The following WT1 variants were observed in gnomAD, a reference collection of about 807,000 sequenced individuals.
The protein encoded by WT1 is WT1 transcription factor.
Under a neutral mutation model 60.8 loss-of-function variants are expected in WT1, and 8 were observed. The ratio of observed to expected loss-of-function variants is 0.13; its 90% CI spans 0.08 to 0.24. The LOEUF is 0.24. WT1 is among the 10% of genes least tolerant of loss of function. The pLI is 1.00. For synonymous variants in WT1, 312 were observed against 297.1 expected (o/e 1.05, Z -0.52); for missense variants, 568 against 711.8 (o/e 0.80, Z 2.30).
rs5030171 is a variant in WT1, at chr11:32,427,871, C to G, written c.887+85G>C. Reference sequence around the variant, plus strand: ...CTGCATGCCCGCAGTCAGGGCTGCCCGGCTGGGGCGTTCCCAAGTCCGCCG... The same window carrying G: ...CTGCATGCCCGCAGTCAGGGCTGCCGGGCTGGGGCGTTCCCAAGTCCGCCG... On this transcript the variant is annotated intron_variant, in intron 3 of 9. Coordinates refer to ENST00000452863, the MANE Select transcript of WT1 (RefSeq NM_024426.6). 0.19 allele frequency: 253,746 copies of G among 1,360,870 alleles called. 33,118 individuals are homozygous for G. The highest frequency in any genetic ancestry group is 0.69 in the East Asian group (27,959 of 40,284). 84.3% of individuals were successfully genotyped at this position (1,360,870 alleles called of 1,614,324 possible). A position where few individuals can be genotyped will look rare whatever the true frequency, so the allele number is the denominator to read the frequency against.
intron 7 of WT1, among the ~76,000 whole-genome samples, chr11:32,395,271 C>T (rs1040171936): frequency 6.6e-6 from 1 of 152,170 alleles, no homozygotes; most frequent in Non-Finnish European, 1.5e-5. Context: ...TGTAGGAAAA[C>T]CTGGGTTTTA....
chr11:32,399,844 G>A, intron 6 of WT1, 104 bp downstream of exon 6: 1 of 1,253,974 alleles, frequency 8.0e-7, no homozygotes, highest in South Asian at 1.3e-5. Context: ...CAGTGAAGAA[G>A]AGGCTGCCAG....
chr11:32,427,045 G>T (rs1349450574), intron 3 of WT1, among the ~76,000 whole-genome samples: 2 of 152,198 alleles, frequency 1.3e-5, no homozygotes, highest in Admixed American at 6.5e-5. Context: ...GATGGGTTTG[G>T]GGGCAGCCGG....
At chr11:32,391,003 G>C (rs5030300) in intron 9 of WT1, among the ~76,000 whole-genome samples, 44 of 151,940 alleles carry the variant, frequency 2.9e-4, no homozygotes, top group African/African-American at 1.0e-3. Flanking sequence ...TTTTGAGACA[G>C]GGTCTTGCTC....
intron 5 of WT1, among the ~76,000 whole-genome samples, chr11:32,401,771 C>T (rs1238802453): frequency 6.6e-6 from 1 of 152,144 alleles, no homozygotes; most frequent in Non-Finnish European, 1.5e-5. Flanking sequence ...AACTCCTGGC[C>T]TTAAATGATC....
chr11:32,429,986 A>AGAAAAAG (rs201954281), intron 1 of WT1, among the ~76,000 whole-genome samples: 1 of 148,608 alleles, frequency 6.7e-6, no homozygotes, highest in African/African-American at 2.5e-5. Flanking sequence ...CAGAAAAAAA[A>AGAAAAAG]AAAAAGAAAA....
At chr11:32,413,530 A>C (rs139349356) in intron 5 of WT1, among the ~76,000 whole-genome samples, 1 of 152,216 alleles carries the variant, frequency 6.6e-6, no homozygotes, top group Non-Finnish European at 1.5e-5. Context: ...TGGGCTGTTC[A>C]TGAGTTTGGA....
Position 32,413,530 on chromosome 11 carries a change from A to G in WT1, c.1016+2960T>C, listed in dbSNP as rs139349356. The stretch of plus-strand genomic sequence containing the variant: ...AACTAAATCCAGTTCTGGGCTGTTC[A>G]TGAGTTTGGAGGAGACAGCCAAGGT... On this transcript the variant is annotated intron_variant, in intron 5 of 9. Coordinates refer to ENST00000452863, the MANE Select transcript of WT1 (RefSeq NM_024426.6). Among the ~76,000 whole-genome samples, 5 of 152,334 alleles carry G rather than the reference A, an allele frequency of 3.3e-5. No individual in the cohort carries two copies. The East Asian group carries it at 9.6e-4, about 29-fold the overall frequency.
intron 1 of WT1, chr11:32,428,823 C>T: frequency 1.4e-6 from 1 of 732,760 alleles, no homozygotes. Flanking sequence ...GGACAGGCTT[C>T]TCCATCCTTT....
rs143405191 is a variant in WT1, at chr11:32,424,462, C to G, written c.887+3494G>C. On this transcript the variant is annotated intron_variant, in intron 3 of 9. Coordinates refer to ENST00000452863, the MANE Select transcript of WT1 (RefSeq NM_024426.6). ...TGCACAGCAACATATAGTCAGCATG[C>G]AATAAATTCCAGTTATTACATTATA... 2.6e-3 allele frequency among the ~76,000 whole-genome samples: 397 copies of G among 152,264 alleles called. 2 individuals are homozygous for G. The highest frequency in any genetic ancestry group is 9.0e-3 in the African/African-American group (374 of 41,550).
Position 32,411,068 on chromosome 11 carries a change from T to TACACACACACACACACACACACACACAC in WT1, c.1016+5421_1016+5422insGTGTGTGTGTGTGTGTGTGTGTGTGTGT, listed in dbSNP as rs10525221. Among the ~76,000 whole-genome samples the TACACACACACACACACACACACACACAC allele has an allele frequency of 1.8e-3, 267 of 145,784 alleles. 2 individuals carry two copies. Among genetic ancestry groups the TACACACACACACACACACACACACACAC allele is most frequent in the Middle Eastern group, 0.011 (3 of 280 alleles). ...TCTGATGTAACCTCTCCCTCTCCAA[T>TACACACACACACACACACACACACACAC]ACACACACACACACACACACACACA... On this transcript the variant is annotated intron_variant, in intron 5 of 9. Transcript: ENST00000452863.
rs1851963282 is a variant in WT1, at chr11:32,396,183, C to T, written c.1264+74G>A. 3 of 1,602,654 alleles carry T rather than the reference C, an allele frequency of 1.9e-6. No individual in the cohort carries two copies. In the Admixed American group the frequency reaches 5.0e-5, roughly 27 times the overall value. On this transcript the variant is annotated intron_variant, in intron 7 of 9. Transcript: ENST00000452863. ...TTCCATCCTGGAAATAACCTGGGTC[C>T]TTAGCAGTGTGAGAGCCTGGAAAAG...
rs5030186 is a variant in WT1, at chr11:32,426,296, G to C, written c.887+1660C>G. 5.7e-3 allele frequency among the ~76,000 whole-genome samples: 874 copies of C among 152,308 alleles called. 12 individuals carry two copies. Among genetic ancestry groups the C allele is most frequent in the African/African-American group, 0.02 (823 of 41,550 alleles). On this transcript the variant is annotated intron_variant, in intron 3 of 9. Transcript: ENST00000452863. The stretch of plus-strand genomic sequence containing the variant: ...GGAAGGGGTGGACCAAGGTCATTAC[G>C]TGGGAACCATTCCAACAGCCCGCCT...
At chr11:32,389,221 G>T (rs752801406) in intron 9 of WT1, 42 bp from the exon 10 acceptor site, 12 of 1,613,676 alleles carry the variant, frequency 7.4e-6, no homozygotes, top group Non-Finnish European at 1.0e-5. Flanking sequence ...GCAACAAAGA[G>T]ACAGGCACAA....
chr11:32,430,763 G>A (rs1853277360), intron 1 of WT1: 1 of 1,335,796 alleles, frequency 7.5e-7, no homozygotes, highest in Non-Finnish European at 9.6e-7. Flanking sequence ...GGCAAAGACC[G>A]GCCTCAAACC....
At chr11:32,433,776 C>G (rs1010936781) in intron 1 of WT1, among the ~76,000 whole-genome samples, 1 of 152,228 alleles carries the variant, frequency 6.6e-6, no homozygotes, top group African/African-American at 2.4e-5. Flanking sequence ...TGATACTTAT[C>G]GTGTGCCGAG....
At chr11:32,417,055 A>G (rs571948747) in intron 4 of WT1, among the ~76,000 whole-genome samples, 1 of 152,210 alleles carries the variant, frequency 6.6e-6, no homozygotes, top group East Asian at 1.9e-4. Context: ...AGGTGCAAAG[A>G]GTAGCTCCTT....
rs1310133824 is a variant in WT1, at chr11:32,399,936, C to A, written c.1113+12G>T. ...CGGCCCCCTTCCCGCTGGGGCCTGT[C>A]TGTGTGCTCACCTGAATGCCTCTGA... is the stretch of plus-strand genomic sequence containing the variant. On this transcript the variant is annotated intron_variant, in intron 6 of 9. Coordinates refer to ENST00000452863, the MANE Select transcript of WT1 (RefSeq NM_024426.6). 6.2e-7 allele frequency: 1 copy of A among 1,613,940 alleles called. No homozygotes were observed. The highest frequency in any genetic ancestry group is 8.5e-7 in the Non-Finnish European group (1 of 1,179,998).
chr11:32,405,595 A>C (rs557531857), intron 5 of WT1, among the ~76,000 whole-genome samples: 1 of 150,294 alleles, frequency 6.7e-6, no homozygotes, highest in East Asian at 2.0e-4. Flanking sequence ...TTAGAACCCT[A>C]GGAGTCATTC....
Sources: gnomAD v4.1 joint callset for allele counts (sites outside exome capture counted in the v4.1 genomes callset) on GRCh38, gnomAD v4.1.1 for gene constraint, MANE v1.5 for transcripts, NCBI Gene and HGNC (gene_info 2026-07-23, HGNC 2026-07-21) for gene names.